The following CTNNA2 variants were observed in gnomAD, a reference collection of about 807,000 sequenced individuals.
CTNNA2 encodes the protein catenin alpha 2.
A neutral mutation model predicts 101.0 loss-of-function variants in CTNNA2; 42 were observed. The ratio of observed to expected loss-of-function variants is 0.42; its 90% CI spans 0.32 to 0.54. CTNNA2 has a LOEUF of 0.54. Ranked by LOEUF, CTNNA2 falls within the 20% of genes least tolerant of loss-of-function variation. The pLI is 0.14. For synonymous variants in CTNNA2, 450 were observed against 456.4 expected, an observed-to-expected ratio of 0.99 and a Z score of 0.18; for missense variants, 871 against 1,223.1, an observed-to-expected ratio of 0.71 and a Z score of 4.29.
At chr2:80,213,820 A>C (rs1449972397) in intron 7 of CTNNA2, among the ~76,000 whole-genome samples, 2 of 152,132 alleles carry the variant, frequency 1.3e-5, no homozygotes, top group Non-Finnish European at 2.9e-5. Context: ...GGGGTGTTAA[A>C]GTCTCCCATT....
chr2:79,659,215 CTTTT>C (rs5832398), intron 2 of CTNNA2, among the ~76,000 whole-genome samples: 14 of 135,782 alleles, frequency 1.0e-4, no homozygotes, highest in African/African-American at 8.0e-5. Flanking sequence ...TCCAGTGCCT[CTTTT>C]TTTTTTTTTT....
intron 7 of CTNNA2, among the ~76,000 whole-genome samples, chr2:80,119,707 A>C (rs114659309): frequency 0.011 from 1,723 of 152,314 alleles, 27 homozygotes; most frequent in African/African-American, 0.039. Flanking sequence ...TGATTCAGAA[A>C]AATTTTTAAA....
Position 80,489,186 on chromosome 2 carries a change from G to A in CTNNA2, c.1291-55796G>A, listed in dbSNP as rs564214049. On this transcript the variant is annotated intron_variant, in intron 9 of 18. Transcript: ENST00000402739. ...GTCTCTGAGATGGACATTTCTGCAG[G>A]TCTTTTTCATACATTTCCCGTAGAA... Among the ~76,000 whole-genome samples the A allele has an allele frequency of 2.5e-4, 38 of 152,224 alleles. 1 individual carries two copies. In the Middle Eastern group the frequency reaches 0.01, roughly 41 times the overall value.
intron 7 of CTNNA2, among the ~76,000 whole-genome samples, chr2:80,269,185 A>G (rs1673251297): frequency 6.6e-6 from 1 of 152,212 alleles, no homozygotes. Context: ...GGTAGTTCCC[A>G]TAATCCCCAC....
At chr2:79,323,592 G>A (rs943622822) in intron 3 of CTNNA2, among the ~76,000 whole-genome samples, 5 of 151,988 alleles carry the variant, frequency 3.3e-5, no homozygotes, top group Non-Finnish European at 7.4e-5. Flanking sequence ...TTTTTTTCTG[G>A]CATGTTACCT....
At chr2:80,453,356 A>G (rs1198618784) in intron 9 of CTNNA2, among the ~76,000 whole-genome samples, 1 of 151,986 alleles carries the variant, frequency 6.6e-6, no homozygotes, top group Non-Finnish European at 1.5e-5. Context: ...TGGAAAAGTA[A>G]TGTGTTAAGA....
At chr2:80,242,230 C>G (rs1339094641) in intron 7 of CTNNA2, among the ~76,000 whole-genome samples, 1 of 152,142 alleles carries the variant, frequency 6.6e-6, no homozygotes, top group Non-Finnish European at 1.5e-5. Flanking sequence ...AGTGTTTTCT[C>G]TCATGGACAT....
chr2:79,923,083 G>T (rs932074456), intron 7 of CTNNA2, among the ~76,000 whole-genome samples: 3 of 152,074 alleles, frequency 2.0e-5, no homozygotes, highest in Non-Finnish European at 2.9e-5. Context: ...CCAAATAGAA[G>T]GCAGACAGCA....
chr2:79,650,535 T>C (rs1681155346), intron 1 of CTNNA2, among the ~76,000 whole-genome samples: 1 of 152,036 alleles, frequency 6.6e-6, no homozygotes, highest in Non-Finnish European at 1.5e-5. Flanking sequence ...GTGGATTTAC[T>C]TTGCTTCCTG....
chr2:80,542,587 C>G (rs1021201240), intron 9 of CTNNA2, among the ~76,000 whole-genome samples: 7 of 151,836 alleles, frequency 4.6e-5, no homozygotes, highest in Non-Finnish European at 1.0e-4. Flanking sequence ...TTTTCTTATG[C>G]TTTTTACAGA....
At chr2:79,824,739 C>A (rs1678282527) in intron 3 of CTNNA2, among the ~76,000 whole-genome samples, 1 of 152,110 alleles carries the variant, frequency 6.6e-6, no homozygotes, top group Non-Finnish European at 1.5e-5. Context: ...GCCTAAAAAT[C>A]AATATGATGC....
chr2:80,607,494 G>C (rs564739377), intron 16 of CTNNA2, among the ~76,000 whole-genome samples: 1 of 151,970 alleles, frequency 6.6e-6, no homozygotes, highest in African/African-American at 2.4e-5. Context: ...TCCTTAGCCA[G>C]AGTTGACTCC....
chr2:80,344,350 G>T (rs900567861), intron 7 of CTNNA2, among the ~76,000 whole-genome samples: 1 of 151,846 alleles, frequency 6.6e-6, no homozygotes, highest in Non-Finnish European at 1.5e-5. Flanking sequence ...CCAGGGTCAG[G>T]GTTTAAATAT....
chr2:80,202,711 A>C (rs1489286590), intron 7 of CTNNA2, among the ~76,000 whole-genome samples: 1 of 151,774 alleles, frequency 6.6e-6, no homozygotes, highest in African/African-American at 2.4e-5. Context: ...GGAGCAAAGA[A>C]CTTTGTTTCC....
intron 4 of CTNNA2, among the ~76,000 whole-genome samples, chr2:79,402,581 GGTCTCTCTCTCT>G (rs1024492544): frequency 1.3e-5 from 2 of 151,438 alleles, no homozygotes; most frequent in Non-Finnish European, 3.0e-5. Context: ...ATATAAATAT[GGTCTCTCTCTCT>G]GTCTCTCTCT....
At chr2:79,294,260 G>A (rs1243401393) in intron 2 of CTNNA2, among the ~76,000 whole-genome samples, 6 of 150,788 alleles carry the variant, frequency 4.0e-5, no homozygotes. Flanking sequence ...GGAGGAGGAG[G>A]AGAAGTTGGA....
chr2:79,606,235 T>G (rs1677880860), intron 1 of CTNNA2, among the ~76,000 whole-genome samples: 1 of 152,174 alleles, frequency 6.6e-6, no homozygotes, highest in Non-Finnish European at 1.5e-5. Context: ...TAGGTAAGAA[T>G]TTTATCAAGT....
intron 7 of CTNNA2, among the ~76,000 whole-genome samples, chr2:80,074,673 C>T (rs942546112): frequency 2.0e-5 from 3 of 152,104 alleles, no homozygotes; most frequent in Admixed American, 6.6e-5. Flanking sequence ...GTGTATTAGA[C>T]GCTGCTTAAA....
chr2:79,766,277 G>T (rs1364955447), intron 3 of CTNNA2, among the ~76,000 whole-genome samples: 1 of 152,092 alleles, frequency 6.6e-6, no homozygotes, highest in East Asian at 1.9e-4. Flanking sequence ...CTTTGTGCTT[G>T]AAGGATGTTT....
Sources: allele counts gnomAD v4.1 joint callset (sites outside exome capture counted in the v4.1 genomes callset), GRCh38; gene constraint gnomAD v4.1.1; transcripts MANE v1.5; gene names NCBI Gene and HGNC (gene_info 2026-07-23, HGNC 2026-07-21).